The following EML5 variants were observed in gnomAD, a reference collection of about 807,000 sequenced individuals.
EML5 encodes the protein echinoderm microtubule-associated protein-like 5.
EML5 carries 120 observed loss-of-function variants against 250.0 expected under a neutral mutation model. The ratio of observed to expected loss-of-function variants is 0.48; its 90% CI spans 0.41 to 0.56. EML5 has a LOEUF of 0.56. EML5 is among the 20% of genes least tolerant of loss of function. The probability of loss-of-function intolerance (pLI) is 0.00; values close to 1 mark genes in which losing one functional copy is unlikely to be tolerated. For missense variants in EML5, 2,006 were observed against 2,437.6 expected (o/e 0.82, Z 3.73); for synonymous variants, 771 against 806.5 (o/e 0.96, Z 0.75).
At chr14:88,621,067 CT>C in intron 38 of EML5, 45 bp downstream of exon 38, 1 of 1,555,016 alleles carries the variant, frequency 6.4e-7, no homozygotes, top group Non-Finnish European at 8.7e-7. Context: ...TCCAACTTTT[CT>C]TTTTAGAAGT....
At chr14:88,779,288 G>A (rs1457238500) in intron 1 of EML5, among the ~76,000 whole-genome samples, 2 of 152,078 alleles carry the variant, frequency 1.3e-5, no homozygotes, top group African/African-American at 4.8e-5. Context: ...GCGAAACTAT[G>A]AGTATCATAT....
chr14:88,766,286 C>A (rs7161635), intron 1 of EML5, among the ~76,000 whole-genome samples: 1 of 151,988 alleles, frequency 6.6e-6, no homozygotes, highest in African/African-American at 2.4e-5. Context: ...GAGAGCTGGG[C>A]GGAACAGAGC....
At chr14:88,617,599 ATC>A (rs2087900657) in intron 41 of EML5, 1 of 152,198 alleles carries the variant, frequency 6.6e-6, no homozygotes, top group Non-Finnish European at 1.5e-5. Context: ...TGAGATCCCT[ATC>A]TCTACAAAAA....
chr14:88,685,978 G>T (rs576590312), intron 19 of EML5, among the ~76,000 whole-genome samples: 2 of 152,164 alleles, frequency 1.3e-5, no homozygotes, highest in East Asian at 3.9e-4. Context: ...TCCTAGGGAG[G>T]CTTCAGCAAC....
chr14:88,659,453 C>T (rs2091997084), intron 25 of EML5, among the ~76,000 whole-genome samples: 1 of 152,148 alleles, frequency 6.6e-6, no homozygotes, highest in Admixed American at 6.5e-5. Flanking sequence ...CTCAGGTGAT[C>T]CACCTGCCTC....
chr14:88,716,827 G>A (rs926377454), intron 8 of EML5, among the ~76,000 whole-genome samples: 8 of 151,878 alleles, frequency 5.3e-5, no homozygotes, highest in Non-Finnish European at 1.0e-4. Flanking sequence ...ATATCGCTCC[G>A]TCAATATTGT....
chr14:88,618,433 T>TC (rs2088136476), intron 40 of EML5, 102 bp from the exon 41 acceptor site: 1 of 1,146,864 alleles, frequency 8.7e-7, no homozygotes, highest in South Asian at 1.4e-5. Flanking sequence ...GATTTACATG[T>TC]CTAACATTAT....
chr14:88,670,374 T>A (rs1271652781), intron 21 of EML5, among the ~76,000 whole-genome samples: 1 of 133,096 alleles, frequency 7.5e-6, no homozygotes, highest in Non-Finnish European at 1.6e-5. Context: ...AACAAAAGCA[T>A]CAACAAAAAA....
At chr14:88,669,168 T>C (rs1035276368) in intron 21 of EML5, among the ~76,000 whole-genome samples, 4 of 152,184 alleles carry the variant, frequency 2.6e-5, no homozygotes, top group Non-Finnish European at 5.9e-5. Flanking sequence ...TCTGTGCAAC[T>C]GGTGGATCAG....
At chr14:88,727,774 GGA>G (rs1566709874) in intron 7 of EML5, among the ~76,000 whole-genome samples, 4 of 152,086 alleles carry the variant, frequency 2.6e-5, no homozygotes, top group Admixed American at 6.5e-5. Flanking sequence ...CTGACCAAAG[GGA>G]GAGAGTGTGT....
At chr14:88,616,263 AGCTCAG>A (rs2087595233) in intron 42 of EML5, 21 bp from the exon 43 acceptor site, 1 of 1,609,878 alleles carries the variant, frequency 6.2e-7, no homozygotes. Flanking sequence ...ATGACAGACA[AGCTCAG>A]GGCATTTGGT....
intron 27 of EML5, among the ~76,000 whole-genome samples, chr14:88,657,001 AT>A (rs557813316): frequency 6.6e-6 from 1 of 151,056 alleles, no homozygotes; most frequent in Non-Finnish European, 1.5e-5. Flanking sequence ...TTTTGTGGGT[AT>A]TTTTTTTTGA....
rs1376776527 is a variant in EML5 at position 88,704,963 on chromosome 14, G to C, written c.1948C>G (p.Leu650Val). The change falls in exon 13 of 44, where the codon CTA becomes GTA. Residue 650 changes from leucine (L) to valine (V), a missense_variant. This residue lies in a region of EML5 where 1,375 missense variants were observed against 1,590.3 expected (regional missense o/e 0.86). Transcript: ENST00000554922. ...TTGCACTGTTCTTTAAGCTGAGGTA[G>C]ATCTTCTTTGTAAACCTTTAAAAAT... ...TYRRQVYKED[L>V]PQLKEQCKEK... The C allele has an allele frequency of 3.7e-6, 6 of 1,610,104 alleles. No homozygotes were observed. The highest frequency in any genetic ancestry group is 3.3e-4 in the Middle Eastern group (2 of 6,028).
At chr14:88,653,157 C>T (rs1152387) in intron 27 of EML5, among the ~76,000 whole-genome samples, 8,917 of 152,178 alleles carry the variant, frequency 0.059, 700 homozygotes, top group African/African-American at 0.17. Flanking sequence ...TATCCTGAGA[C>T]TTTGCTGAAC....
intron 2 of EML5, among the ~76,000 whole-genome samples, chr14:88,753,330 C>T (rs963658748): frequency 1.3e-4 from 20 of 152,136 alleles, no homozygotes; most frequent in Non-Finnish European, 4.4e-5. Flanking sequence ...CATCTCACTA[C>T]CAGAAAATCA....
rs572121587 is a variant in EML5 at position 88,644,643 on chromosome 14, A to G, written c.4029-132T>C. 4.3e-5 allele frequency: 28 copies of G among 651,316 alleles called. No individual in the cohort carries two copies. The East Asian group carries it at 7.3e-4, about 17-fold the overall frequency. 40.3% of individuals were successfully genotyped at this position (651,316 alleles called of 1,614,324 possible). ...GATGACCCATTCTGTGGTCCACTAG[A>G]CTGCCCTCTTCATCTTGAGAGCTTC... On this transcript the variant is annotated intron_variant, in intron 29 of 43. Coordinates refer to ENST00000554922, the MANE Select transcript of EML5 (RefSeq NM_183387.3).
chr14:88,785,956 G>A (rs1271650192), intron 1 of EML5, among the ~76,000 whole-genome samples: 1 of 152,088 alleles, frequency 6.6e-6, no homozygotes, highest in East Asian at 1.9e-4. Context: ...CCTCTCAATA[G>A]CCTATAAAAT....
chr14:88,726,523 T>C lies in EML5; in HGVS notation c.1187+18A>G. Reference sequence around the variant, plus strand: ...ACTGAAGATAAAATTATTATGTGTTTCTACCCTAATACCATACCTTACTCT... The same window carrying C: ...ACTGAAGATAAAATTATTATGTGTTCCTACCCTAATACCATACCTTACTCT... On this transcript the variant is annotated intron_variant, in intron 8 of 43. Transcript: ENST00000554922. The C allele has an allele frequency of 6.3e-7, 1 of 1,587,604 alleles. No individual in the cohort carries two copies.
intron 21 of EML5, among the ~76,000 whole-genome samples, chr14:88,680,105 A>C (rs1464040759): frequency 1.3e-5 from 2 of 152,206 alleles, no homozygotes; most frequent in African/African-American, 4.8e-5. Context: ...CTGCACAGCT[A>C]TACTTATATT....
Sources: allele counts gnomAD v4.1 joint callset (sites outside exome capture counted in the v4.1 genomes callset), GRCh38; gene constraint gnomAD v4.1.1; regional missense constraint gnomAD v4.1.1; transcripts MANE v1.5; gene names NCBI Gene and HGNC (gene_info 2026-07-23, HGNC 2026-07-21).